Variants in NNMT observed in about 807,000 individuals in gnomAD.
NNMT encodes the protein nicotinamide N-methyltransferase.
In NNMT, 10 loss-of-function variants were observed where a neutral mutation model predicts 11.7. That is an observed-to-expected ratio of 0.85 (90% CI 0.53 to 1.45). The LOEUF is 1.45. Among genes scored for constraint, NNMT ranks in the 40% most tolerant of loss-of-function variants. The pLI is 0.00. For missense variants in NNMT, 381 were observed against 319.4 expected, an observed-to-expected ratio of 1.19 and a Z score of -1.47; for synonymous variants, 143 against 133.8, an observed-to-expected ratio of 1.07 and a Z score of -0.48.
At chr11:114,310,801 T>C (rs55813122) in intron 2 of NNMT, among the ~76,000 whole-genome samples, 23,582 of 152,262 alleles carry the variant, frequency 0.15, 1,897 homozygotes, top group African/African-American at 0.17. Context: ...ACACACTCAA[T>C]GTTTCTTCCC....
At position 114,296,469 on chromosome 11, in the gene NNMT, C is replaced by T; in HGVS notation, c.-88C>T. On this transcript the variant is annotated 5_prime_UTR_variant, in exon 1 of 3. Coordinates refer to ENST00000299964, the MANE Select transcript of NNMT (RefSeq NM_006169.3). ...GAAGGAATGCTGTTAGCCTGAGACT[C>T]AGGAAGACAACTTCTGCAGGGTCAC... 14 of 1,435,254 alleles carry T rather than the reference C, an allele frequency of 9.8e-6. No individual in the cohort carries two copies. In the South Asian group the frequency reaches 1.7e-4, roughly 17 times the overall value. 88.9% of individuals were successfully genotyped at this position (1,435,254 alleles called of 1,614,324 possible). A position where few individuals can be genotyped will look rare whatever the true frequency, so the allele number is the denominator to read the frequency against.
chr11:114,291,779 T>C, upstream of NNMT, among the ~76,000 whole-genome samples: 1 of 152,200 alleles, frequency 6.6e-6, no homozygotes, highest in Non-Finnish European at 1.5e-5. Context: ...TTTCTGCATT[T>C]GCCACCTCTG....
At chr11:114,264,691 A>G (rs1472538446) in intron 2 of NNMT, among the ~76,000 whole-genome samples, 1 of 152,318 alleles carries the variant, frequency 6.6e-6, no homozygotes, top group Non-Finnish European at 1.5e-5. Flanking sequence ...AGGTTGTTTG[A>G]TCCGTGCTTC....
In NNMT at chr11:114,312,101, A is replaced by G. The variant is rs56329324; in HGVS notation, c.419A>G (p.Lys140Arg). The G allele has an allele frequency of 1.1e-5, 18 of 1,611,228 alleles. No homozygotes were observed. In the East Asian group the frequency reaches 4.0e-4, roughly 36 times the overall value. Residue 140 changes from lysine to arginine, a missense_variant, in exon 3 of 3, where the codon AAG becomes AGG. Transcript: ENST00000299964. ...KLRQAVKQVLKCDVTQSQPLG... is the reference protein window; with the variant it reads ...KLRQAVKQVLRCDVTQSQPLG... ...AGACAGGCGGTCAAGCAGGTGCTGA[A>G]GTGTGATGTGACTCAGAGCCAGCCA...
At chr11:114,287,179 C>T (rs902517638) in intron 2 of NNMT, among the ~76,000 whole-genome samples, 2 of 152,058 alleles carry the variant, frequency 1.3e-5, no homozygotes, top group African/African-American at 4.8e-5. Context: ...AGTATCTTTT[C>T]CCTCTCTGTA....
chr11:114,309,046 T>C (rs1328946898), intron 2 of NNMT, among the ~76,000 whole-genome samples: 5 of 152,210 alleles, frequency 3.3e-5, no homozygotes, highest in Admixed American at 3.3e-4. Context: ...TTCGTTCTGC[T>C]TCTGTTGGAA....
Position 114,296,448 on chromosome 11 carries a change from G to C in NNMT, c.-109G>C. On this transcript the variant is annotated 5_prime_UTR_variant, in exon 1 of 3. Coordinates refer to ENST00000299964, the MANE Select transcript of NNMT (RefSeq NM_006169.3). Reference sequence around the variant, plus strand: ...AAAAGAAGGGCTGAACTGATGGAAGGAATGCTGTTAGCCTGAGACTCAGGA... The same window carrying C: ...AAAAGAAGGGCTGAACTGATGGAAGCAATGCTGTTAGCCTGAGACTCAGGA... The C allele has an allele frequency of 8.9e-7, 1 of 1,118,704 alleles. No homozygotes were observed. The highest frequency in any genetic ancestry group is 2.3e-5 in the Admixed American group (1 of 44,098). The allele number at this position is 1,118,704 out of a possible 1,614,324, so 69.3% of individuals were successfully genotyped here. A position where few individuals can be genotyped will look rare whatever the true frequency, so the allele number is the denominator to read the frequency against.
At chr11:114,292,957 A>G (rs567285111), upstream of NNMT, among the ~76,000 whole-genome samples, 8 of 152,356 alleles carry the variant, frequency 5.3e-5, no homozygotes, top group South Asian at 1.7e-3. Flanking sequence ...AAATTCCTCA[A>G]TACCTCAGAT....
intron 2 of NNMT, among the ~76,000 whole-genome samples, chr11:114,264,396 C>A (rs1945105065): frequency 6.6e-6 from 1 of 152,154 alleles, no homozygotes; most frequent in Admixed American, 6.5e-5. Flanking sequence ...TTCCACCATG[C>A]AAAATGCAAT....
At chr11:114,277,487 A>G (rs1043236049) in intron 2 of NNMT, among the ~76,000 whole-genome samples, 1 of 152,186 alleles carries the variant, frequency 6.6e-6, no homozygotes. Flanking sequence ...GGGAGGAGGT[A>G]CTTGGGGAAA....
At chr11:114,273,669 G>A (rs1237000039) in intron 2 of NNMT, among the ~76,000 whole-genome samples, 3 of 152,022 alleles carry the variant, frequency 2.0e-5, no homozygotes, top group African/African-American at 4.8e-5. Flanking sequence ...GTGAAACCCC[G>A]TCTCTACTAA....
intron 2 of NNMT, among the ~76,000 whole-genome samples, chr11:114,266,617 A>T (rs950924927): frequency 4.8e-5 from 7 of 145,944 alleles, no homozygotes; most frequent in African/African-American, 1.8e-4. Context: ...ATTGCCTCTC[A>T]GTGGGGTCTT....
chr11:114,296,898 T>C lies in NNMT; in HGVS notation c.154+188T>C, dbSNP rs150330954. Among the ~76,000 whole-genome samples, 706 of 152,308 alleles carry C rather than the reference T, an allele frequency of 4.6e-3. 4 individuals carry two copies. Among genetic ancestry groups the C allele is most frequent in the African/African-American group, 0.016 (670 of 41,568 alleles). ...GTTTACAAAGTGCTTTTGTATCCAC[T>C]GTCTCACTTGATCAAGCAAAAGGAA... On this transcript the variant is annotated intron_variant, in intron 1 of 2. Transcript: ENST00000299964.
chr11:114,299,794 A>AT lies in NNMT; in HGVS notation c.362+1649dup, dbSNP rs35581671. Among the ~76,000 whole-genome samples the AT allele has an allele frequency of 2.2e-3, 320 of 146,030 alleles. 1 individual carries two copies. Among genetic ancestry groups the AT allele is most frequent in the African/African-American group, 6.8e-3 (272 of 39,774 alleles). On this transcript the variant is annotated intron_variant, in intron 2 of 2. Coordinates refer to ENST00000299964, the MANE Select transcript of NNMT (RefSeq NM_006169.3). Reference sequence around the variant, plus strand: ...TATCTTGGTTGTCAACTTTATTGGCATTTTTTTTTTTTTACAATATCCTTT... The same window carrying AT: ...TATCTTGGTTGTCAACTTTATTGGCATTTTTTTTTTTTTTACAATATCCTTT...
In NNMT at chr11:114,312,223, A is replaced by G. The variant is rs1198548023; in HGVS notation, c.541A>G (p.Arg181Gly). The G allele has an allele frequency of 6.2e-7, 1 of 1,614,208 alleles. No homozygotes were observed. Among genetic ancestry groups the G allele is most frequent in the African/African-American group, 1.3e-5 (1 of 75,068 alleles). The part of the protein sequence containing the change: ...PDLPTYCRAL[R>G]NLGSLLKPGG... ...CCTCCCCACCTACTGCAGGGCGCTC[A>G]GGAACCTCGGCAGCCTACTGAAGCC... is the stretch of plus-strand genomic sequence containing the variant. Residue 181 changes from arginine (R) to glycine (G), a missense_variant, in exon 3 of 3, where the codon AGG becomes GGG. Transcript: ENST00000299964.
chr11:114,294,615 C>T (rs915484933), upstream of NNMT, among the ~76,000 whole-genome samples: 10 of 151,860 alleles, frequency 6.6e-5, 1 homozygote, highest in African/African-American at 2.4e-4. Context: ...TTGTAACACA[C>T]AAAAAATAAG....
chr11:114,261,117 A>C (rs1945077013), intron 1 of NNMT, among the ~76,000 whole-genome samples: 1 of 152,186 alleles, frequency 6.6e-6, no homozygotes, highest in Non-Finnish European at 1.5e-5. Context: ...CTAGACATTT[A>C]TTTCCAGAAC....
intron 2 of NNMT, among the ~76,000 whole-genome samples, chr11:114,274,883 G>A (rs1213533628): frequency 6.6e-6 from 1 of 152,220 alleles, no homozygotes; most frequent in East Asian, 1.9e-4. Context: ...GAAGCTTTCT[G>A]TGGGTCTCCT....
chr11:114,302,266 CA>C (rs1945445960), intron 2 of NNMT, among the ~76,000 whole-genome samples: 2 of 152,186 alleles, frequency 1.3e-5, no homozygotes, highest in South Asian at 4.1e-4. Flanking sequence ...TTGGTGAATG[CA>C]GTAATTTTTA....
Sources: gnomAD v4.1 joint callset for allele counts (sites outside exome capture counted in the v4.1 genomes callset) on GRCh38, gnomAD v4.1.1 for gene constraint, MANE v1.5 for transcripts, NCBI Gene and HGNC (gene_info 2026-07-23, HGNC 2026-07-21) for gene names.